The following BRINP1 variants were observed in gnomAD, a reference collection of about 807,000 sequenced individuals.
BRINP1 encodes BMP/retinoic acid inducible neural specific 1, also known as BMP/retinoic acid-inducible neural-specific protein 1.
BRINP1 carries 17 observed loss-of-function variants against 72.9 expected under a neutral mutation model. The ratio of observed to expected loss-of-function variants is 0.23; its 90% confidence interval spans 0.16 to 0.35. The LOEUF is 0.35. Among genes scored for constraint, BRINP1 ranks in the 10% least tolerant of loss-of-function variants. The probability of loss-of-function intolerance (pLI) is 1.00; values close to 1 mark genes in which losing one functional copy is unlikely to be tolerated. For synonymous variants in BRINP1, 418 were observed against 378.5 expected (o/e 1.10, Z -1.21); for missense variants, 850 against 1,001.6 (o/e 0.85, Z 2.04).
intron 1 of BRINP1, among the ~76,000 whole-genome samples, chr9:119,328,444 A>G (rs1831261438): frequency 2.0e-5 from 3 of 152,200 alleles, no homozygotes; most frequent in Non-Finnish European, 4.4e-5. Context: ...CCAAGAGTCA[A>G]TGGAAGATTT....
At chr9:119,215,887 G>T (rs1464503573) in intron 5 of BRINP1, among the ~76,000 whole-genome samples, 1 of 152,078 alleles carries the variant, frequency 6.6e-6, no homozygotes, top group Non-Finnish European at 1.5e-5. Flanking sequence ...ACCTGGGCAG[G>T]GCTGCACTGG....
chr9:119,248,814 T>C (rs879399415), intron 3 of BRINP1, 146 bp downstream of exon 3: 11 of 660,602 alleles, frequency 1.7e-5, no homozygotes, highest in Non-Finnish European at 2.8e-5. Context: ...GCCAAGACAA[T>C]TTGGCTTACC....
At chr9:119,305,089 G>A (rs77095673) in intron 2 of BRINP1, among the ~76,000 whole-genome samples, 4,228 of 152,204 alleles carry the variant, frequency 0.028, 198 homozygotes, top group African/African-American at 0.096. Flanking sequence ...TAGTGCATCA[G>A]CATTTTAAAA....
chr9:119,337,666 C>T (rs1460421971), intron 1 of BRINP1, among the ~76,000 whole-genome samples: 2 of 152,224 alleles, frequency 1.3e-5, no homozygotes, highest in East Asian at 3.8e-4. Context: ...CCTGTGACCA[C>T]AGTCAGTCCA....
intron 7 of BRINP1, among the ~76,000 whole-genome samples, chr9:119,175,894 C>T (rs541643588): frequency 1.2e-4 from 19 of 152,266 alleles, no homozygotes; most frequent in South Asian, 2.1e-4. Context: ...CACAGCAACA[C>T]CCTAAAAATA....
chr9:119,362,686 C>T (rs1831647279), intron 1 of BRINP1, among the ~76,000 whole-genome samples: 2 of 152,182 alleles, frequency 1.3e-5, no homozygotes, highest in Non-Finnish European at 1.5e-5. Flanking sequence ...TCATTCTCTC[C>T]TTCCTTTTCT....
At chr9:119,205,395 GA>G (rs1258824367) in intron 7 of BRINP1, among the ~76,000 whole-genome samples, 1 of 152,180 alleles carries the variant, frequency 6.6e-6, no homozygotes, top group Non-Finnish European at 1.5e-5. Flanking sequence ...CTTAGTAGGA[GA>G]GACGGCAACA....
intron 5 of BRINP1, among the ~76,000 whole-genome samples, chr9:119,217,747 C>A (rs1207309593): frequency 6.6e-6 from 1 of 152,086 alleles, no homozygotes; most frequent in Admixed American, 6.6e-5. Flanking sequence ...ATTTCTCTTT[C>A]TCTGTGTCAC....
At chr9:119,183,524 C>G (rs1161464572) in intron 7 of BRINP1, among the ~76,000 whole-genome samples, 1 of 152,088 alleles carries the variant, frequency 6.6e-6, no homozygotes, top group African/African-American at 2.4e-5. Flanking sequence ...CAGAGAATGC[C>G]TTAGTTTTTG....
intron 3 of BRINP1, among the ~76,000 whole-genome samples, chr9:119,243,977 A>T (rs1030312104): frequency 1.3e-5 from 2 of 152,224 alleles, no homozygotes; most frequent in Non-Finnish European, 2.9e-5. Context: ...TGGGCACTCC[A>T]GCTATAACTT....
rs1337347411 is a variant in BRINP1 at position 119,209,681 on chromosome 9, TTAA to T, written c.923-743_923-741del. Among the ~76,000 whole-genome samples the T allele has an allele frequency of 3.3e-5, 5 of 152,160 alleles. No individual in the cohort carries two copies. In the East Asian group the frequency reaches 9.6e-4, roughly 29 times the overall value. ...AAAAATAAATATGTTGAAGATAATG[TTAA>T]TAAATTCTAGTCAGACACTGTTGCC... On this transcript the variant is annotated intron_variant, in intron 6 of 7. Coordinates refer to ENST00000265922, the MANE Select transcript of BRINP1 (RefSeq NM_014618.3).
chr9:119,323,895 G>A (rs1831213648), intron 1 of BRINP1, among the ~76,000 whole-genome samples: 1 of 152,196 alleles, frequency 6.6e-6, no homozygotes, highest in Non-Finnish European at 1.5e-5. Flanking sequence ...GTAATATACT[G>A]AACTAGACAG....
intron 5 of BRINP1, among the ~76,000 whole-genome samples, chr9:119,227,818 C>G (rs890948454): frequency 1.3e-5 from 2 of 151,962 alleles, no homozygotes; most frequent in Non-Finnish European, 2.9e-5. Context: ...TATTCACTCT[C>G]TGTCTTTTCA....
At chr9:119,278,864 G>A (rs1342687425) in intron 2 of BRINP1, among the ~76,000 whole-genome samples, 1 of 152,120 alleles carries the variant, frequency 6.6e-6, no homozygotes, top group East Asian at 1.9e-4. Flanking sequence ...CTCCGACATG[G>A]TAACAGAGCT....
intron 2 of BRINP1, among the ~76,000 whole-genome samples, chr9:119,285,681 ATTCT>A (rs1277124548): frequency 6.6e-6 from 1 of 152,142 alleles, no homozygotes; most frequent in African/African-American, 2.4e-5. Flanking sequence ...GTACCTCCTC[ATTCT>A]TTCTATTTAC....
chr9:119,257,811 C>T (rs1247757317), intron 2 of BRINP1, among the ~76,000 whole-genome samples: 1 of 152,102 alleles, frequency 6.6e-6, no homozygotes, highest in Non-Finnish European at 1.5e-5. Flanking sequence ...GAAAGGTGAA[C>T]CCAAGGGCAT....
intron 7 of BRINP1, among the ~76,000 whole-genome samples, chr9:119,194,058 G>T (rs942284255): frequency 2.0e-4 from 31 of 152,148 alleles, no homozygotes; most frequent in African/African-American, 7.5e-4. Flanking sequence ...CAGCCTTCTG[G>T]CCATCTCTGC....
intron 2 of BRINP1, among the ~76,000 whole-genome samples, chr9:119,269,007 C>A (rs1830581015): frequency 6.6e-6 from 1 of 152,214 alleles, no homozygotes; most frequent in East Asian, 1.9e-4. Context: ...CTTCTCACAG[C>A]TGTGTGACTT....
At chr9:119,261,877 C>G (rs1282558844) in intron 2 of BRINP1, among the ~76,000 whole-genome samples, 1 of 150,074 alleles carries the variant, frequency 6.7e-6, no homozygotes, top group Non-Finnish European at 1.5e-5. Context: ...TCTTTCCCTC[C>G]TCCTTCTTCT....
Sources: gnomAD v4.1 joint callset for allele counts (sites outside exome capture counted in the v4.1 genomes callset) on GRCh38, gnomAD v4.1.1 for gene constraint, MANE v1.5 for transcripts, NCBI Gene and HGNC (gene_info 2026-07-23, HGNC 2026-07-21) for gene names.